The following TMEM131 variants were observed in gnomAD, a reference collection of about 807,000 sequenced individuals.
TMEM131 encodes the protein 2610524E03Rik.
A neutral mutation model predicts 211.6 loss-of-function variants in TMEM131; 66 were observed. The observed-to-expected ratio is 0.31, with a 90% confidence interval of 0.26 to 0.38. The LOEUF is 0.38. Among genes scored for constraint, TMEM131 ranks in the 10% least tolerant of loss-of-function variants. TMEM131 has a pLI of 1.00. For synonymous variants in TMEM131, 844 were observed against 841.3 expected, an observed-to-expected ratio of 1.00 and a Z score of -0.06; for missense variants, 2,036 against 2,299.3, an observed-to-expected ratio of 0.89 and a Z score of 2.34.
chr2:97,844,422 A>G (rs1683331208), intron 5 of TMEM131, among the ~76,000 whole-genome samples, 161 bp from the exon 6 acceptor site: 1 of 152,230 alleles, frequency 6.6e-6, no homozygotes, highest in African/African-American at 2.4e-5. Context: ...TGTCTTCCAT[A>G]TTGAATGTCT....
intron 2 of TMEM131, among the ~76,000 whole-genome samples, chr2:97,917,981 C>T (rs1676581092): frequency 6.6e-6 from 1 of 150,428 alleles, no homozygotes; most frequent in Non-Finnish European, 1.5e-5. Context: ...GAATCTTGCT[C>T]TGTCACTGAG....
In TMEM131 at chr2:97,757,019, A is replaced by C; in HGVS notation, c.*80T>G. 6.8e-7 allele frequency: 1 copy of C among 1,461,666 alleles called. No homozygotes were observed. Among genetic ancestry groups the C allele is most frequent in the Non-Finnish European group, 9.1e-7 (1 of 1,102,086 alleles). The allele number at this position is 1,461,666 out of a possible 1,614,324, so 90.5% of individuals were successfully genotyped here. A position where few individuals can be genotyped will look rare whatever the true frequency, so the allele number is the denominator to read the frequency against. ...GGGTGGGGAGGGGAGCTGCAGTAAG[A>C]GCCTTAAAAAGATGTCTCAGAAACT... On this transcript the variant is annotated 3_prime_UTR_variant, in exon 41 of 41. Coordinates refer to ENST00000186436, the MANE Select transcript of TMEM131 (RefSeq NM_015348.2).
In TMEM131 at chr2:97,758,801, A is replaced by G. The variant is rs1678653252; in HGVS notation, c.5367+92T>C. 2.7e-6 allele frequency: 4 copies of G among 1,490,576 alleles called. No individual in the cohort carries two copies. In the South Asian group the frequency reaches 3.8e-5, roughly 14 times the overall value. The allele number at this position is 1,490,576 out of a possible 1,614,324, so 92.3% of individuals were successfully genotyped here. A position where few individuals can be genotyped will look rare whatever the true frequency, so the allele number is the denominator to read the frequency against. ...CCTCTGATGCTGCTGTTTGTTGTTTATAACTATGTCAGTGCCATCCATGTC... is the reference window on the plus strand; with the variant it reads ...CCTCTGATGCTGCTGTTTGTTGTTTGTAACTATGTCAGTGCCATCCATGTC... On this transcript the variant is annotated intron_variant, in intron 40 of 40. Coordinates refer to ENST00000186436, the MANE Select transcript of TMEM131 (RefSeq NM_015348.2).
rs541153547 is a variant in TMEM131 at position 97,852,437 on chromosome 2, C to T, written c.483+6867G>A. On this transcript the variant is annotated intron_variant, in intron 5 of 40. Coordinates refer to ENST00000186436, the MANE Select transcript of TMEM131 (RefSeq NM_015348.2). ...CCTCCCAAAGTGCTGGGACTACAGGCGTGAGCCACCACGCCTGGCCTTGCC... is the reference window on the plus strand; with the variant it reads ...CCTCCCAAAGTGCTGGGACTACAGGTGTGAGCCACCACGCCTGGCCTTGCC... Among the ~76,000 whole-genome samples, 462 of 152,278 alleles carry T rather than the reference C, an allele frequency of 3.0e-3. 1 individual carries two copies. Among genetic ancestry groups the T allele is most frequent in the Non-Finnish European group, 4.6e-3 (314 of 68,024 alleles).
chr2:97,887,791 T>C (rs1030637806), intron 4 of TMEM131: 4 of 356,048 alleles, frequency 1.1e-5, no homozygotes, highest in African/African-American at 6.3e-5. Flanking sequence ...ATAAGTTCTT[T>C]GCTGTTTCCA....
chr2:97,783,775 C>T (rs1024826458), intron 31 of TMEM131, among the ~76,000 whole-genome samples: 3 of 151,776 alleles, frequency 2.0e-5, no homozygotes, highest in African/African-American at 7.3e-5. Flanking sequence ...ACATTAAAAG[C>T]AGACAGTCTA....
Position 97,762,176 on chromosome 2 carries a change from G to A in TMEM131, c.4748C>T (p.Ser1583Phe). 6.2e-7 allele frequency: 1 copy of A among 1,614,016 alleles called. No homozygotes were observed. The highest frequency in any genetic ancestry group is 8.5e-7 in the Non-Finnish European group (1 of 1,179,878). Residue 1583 changes from serine (S) to phenylalanine (F), a missense_variant, in exon 36 of 41, where the codon TCT (serine) becomes TTT (phenylalanine). Coordinates refer to ENST00000186436, the MANE Select transcript of TMEM131 (RefSeq NM_015348.2). ...GSSTDSLYKL[S>F]LQTLNADIFL... ...AATGTCTGCGTTGAGGGTTTGCAGA[G>A]AAAGTTTATAAAGACTATCAGTAGC... is the stretch of plus-strand genomic sequence containing the variant.
chr2:97,957,843 A>G (rs1342171363), intron 1 of TMEM131, among the ~76,000 whole-genome samples: 2 of 152,330 alleles, frequency 1.3e-5, no homozygotes, highest in African/African-American at 2.4e-5. Context: ...CAAAAAAAAA[A>G]AGATAACTTT....
intron 1 of TMEM131, among the ~76,000 whole-genome samples, chr2:97,988,835 C>T (rs1680142624): frequency 6.6e-6 from 1 of 152,182 alleles, no homozygotes; most frequent in Non-Finnish European, 1.5e-5. Context: ...TATGCAACCA[C>T]TATGGAAATG....
intron 1 of TMEM131, among the ~76,000 whole-genome samples, chr2:97,967,120 G>C (rs1679095622): frequency 1.3e-5 from 2 of 152,130 alleles, no homozygotes; most frequent in Non-Finnish European, 2.9e-5. Context: ...CACCATAAAA[G>C]GGAGTTACTC....
intron 1 of TMEM131, among the ~76,000 whole-genome samples, chr2:97,943,598 C>T (rs72944818): frequency 0.022 from 3,345 of 152,262 alleles, 136 homozygotes; most frequent in African/African-American, 0.077. Context: ...TCAGATCCAA[C>T]GCAATCTTGT....
intron 11 of TMEM131, among the ~76,000 whole-genome samples, chr2:97,826,819 C>T (rs572334951): frequency 3.9e-5 from 6 of 152,202 alleles, no homozygotes; most frequent in African/African-American, 1.4e-4. Context: ...TATAACACTC[C>T]AATACCACCT....
intron 25 of TMEM131, among the ~76,000 whole-genome samples, chr2:97,799,646 T>C (rs1004465848): frequency 1.3e-5 from 2 of 152,260 alleles, no homozygotes; most frequent in Non-Finnish European, 2.9e-5. Flanking sequence ...AGTTTCCTGA[T>C]GAGCCTGGTG....
At chr2:97,962,099 G>C (rs544220264) in intron 1 of TMEM131, among the ~76,000 whole-genome samples, 49 of 152,092 alleles carry the variant, frequency 3.2e-4, no homozygotes, top group Admixed American at 3.0e-3. Context: ...TCTTGTGGTA[G>C]GCAAAAATTC....
At chr2:97,842,482 G>GT (rs1559395124) in intron 6 of TMEM131, among the ~76,000 whole-genome samples, 1 of 151,510 alleles carries the variant, frequency 6.6e-6, no homozygotes, top group Non-Finnish European at 1.5e-5. Flanking sequence ...TTACATCGTA[G>GT]TATTGGAGAC....
At chr2:97,880,783 T>C (rs553456659) in intron 4 of TMEM131, among the ~76,000 whole-genome samples, 7 of 152,128 alleles carry the variant, frequency 4.6e-5, no homozygotes, top group East Asian at 3.9e-4. Flanking sequence ...GCAGAGTTGG[T>C]TGAAATGAGG....
Position 97,983,773 on chromosome 2 carries a change from G to A in TMEM131, c.187+11703C>T, listed in dbSNP as rs139608599. Among the ~76,000 whole-genome samples, 517 of 152,108 alleles carry A rather than the reference G, an allele frequency of 3.4e-3. 1 individual carries two copies. Among genetic ancestry groups the A allele is most frequent in the Admixed American group, 7.7e-3 (118 of 15,268 alleles). On this transcript the variant is annotated intron_variant, in intron 1 of 40. Coordinates refer to ENST00000186436, the MANE Select transcript of TMEM131 (RefSeq NM_015348.2). ...TTTGTCTTTTTTCATTTCTATGTTC[G>A]TCCCTTCGTTCAGTCTTGTAATGAT... is the stretch of plus-strand genomic sequence containing the variant.
At chr2:97,939,131 G>C (rs536373132) in intron 1 of TMEM131, among the ~76,000 whole-genome samples, 50 of 152,136 alleles carry the variant, frequency 3.3e-4, no homozygotes, top group African/African-American at 1.1e-3. Flanking sequence ...AGAAAAGCAA[G>C]AGCAAACACA....
At chr2:97,971,523 CTCAAA>C (rs1195050443) in intron 1 of TMEM131, among the ~76,000 whole-genome samples, 2 of 152,184 alleles carry the variant, frequency 1.3e-5, no homozygotes, top group African/African-American at 4.8e-5. Flanking sequence ...CTGAGAAATT[CTCAAA>C]TCAAAACTTT....
Sources: allele counts gnomAD v4.1 joint callset (sites outside exome capture counted in the v4.1 genomes callset), GRCh38; gene constraint gnomAD v4.1.1; transcripts MANE v1.5; gene names NCBI Gene and HGNC (gene_info 2026-07-23, HGNC 2026-07-21).